The following FRY variants were observed in gnomAD, a reference collection of about 807,000 sequenced individuals.
FRY encodes FRY microtubule binding protein, also known as protein furry homolog.
A neutral mutation model predicts 348.4 loss-of-function variants in FRY; 128 were observed. The observed-to-expected ratio is 0.37, with a 90% CI of 0.32 to 0.43. The LOEUF (loss-of-function observed/expected upper bound fraction) is 0.43. Ranked by LOEUF, FRY falls within the 20% of genes least tolerant of loss-of-function variation. The probability of loss-of-function intolerance (pLI) is 1.00; values close to 1 mark genes in which losing one functional copy is unlikely to be tolerated. For missense variants in FRY, 2,736 were observed against 3,695.2 expected (o/e 0.74, Z 6.73); for synonymous variants, 1,370 against 1,374.7 (o/e 1.00, Z 0.08).
At chr13:32,063,497 A>C (rs1453445350) in intron 1 of FRY, among the ~76,000 whole-genome samples, 1 of 152,208 alleles carries the variant, frequency 6.6e-6, no homozygotes, top group Non-Finnish European at 1.5e-5. Context: ...CCCAGAACTC[A>C]CACACATACA....
chr13:32,254,972 C>T (rs1887260987), intron 51 of FRY, among the ~76,000 whole-genome samples: 1 of 152,158 alleles, frequency 6.6e-6, no homozygotes, highest in Non-Finnish European at 1.5e-5. Context: ...ATTCAAGTCT[C>T]AGTGGGCAAA....
intron 31 of FRY, among the ~76,000 whole-genome samples, chr13:32,206,192 G>A (rs754190540): frequency 6.6e-6 from 1 of 152,092 alleles, no homozygotes; most frequent in Non-Finnish European, 1.5e-5. Flanking sequence ...GATCAGGAAT[G>A]GAGAGAGCAC....
chr13:32,119,326 T>G (rs1359082275), intron 4 of FRY, among the ~76,000 whole-genome samples: 3 of 152,180 alleles, frequency 2.0e-5, no homozygotes. Flanking sequence ...TGGGTTGTGA[T>G]TTCTGAGATT....
intron 51 of FRY, among the ~76,000 whole-genome samples, chr13:32,256,834 C>A (rs1054311820): frequency 6.6e-6 from 1 of 150,698 alleles, no homozygotes; most frequent in Non-Finnish European, 1.5e-5. Context: ...GAGCATTCCT[C>A]ATCTGAAAAT....
intron 1 of FRY, among the ~76,000 whole-genome samples, chr13:32,058,769 G>A (rs1036082889): frequency 6.6e-6 from 1 of 152,054 alleles, no homozygotes; most frequent in Non-Finnish European, 1.5e-5. Context: ...GGATATGCAG[G>A]ATATCTGGGT....
At chr13:32,068,183 A>G (rs1874379234) in intron 1 of FRY, among the ~76,000 whole-genome samples, 1 of 152,070 alleles carries the variant, frequency 6.6e-6, no homozygotes, top group African/African-American at 2.4e-5. Context: ...TGTCCAAATA[A>G]TCTACACATT....
At chr13:32,117,527 A>T in intron 4 of FRY, 54 bp downstream of exon 4, 1 of 1,583,322 alleles carries the variant, frequency 6.3e-7, no homozygotes. Flanking sequence ...TTTTCAGGAA[A>T]CATAAATCAA....
intron 34 of FRY, 55 bp downstream of exon 34, chr13:32,211,089 T>C: frequency 6.8e-7 from 1 of 1,474,372 alleles, no homozygotes; most frequent in Non-Finnish European, 9.5e-7. Context: ...GTTTCCTTCA[T>C]GTAGATTCCT....
chr13:32,236,901 C>T (rs1886256172), intron 43 of FRY, among the ~76,000 whole-genome samples: 1 of 152,024 alleles, frequency 6.6e-6, no homozygotes, highest in Non-Finnish European at 1.5e-5. Context: ...AAGAGTTTTA[C>T]CTTTTCAGCA....
At position 32,157,351 on chromosome 13, in the gene FRY, G is replaced by A. The variant is rs377509442; in HGVS notation, c.1730G>A (p.Cys577Tyr). The A allele has an allele frequency of 1.9e-5, 31 of 1,613,164 alleles. No homozygotes were observed. The highest frequency in any genetic ancestry group is 4.0e-5 in the African/African-American group (3 of 74,922). The change falls in exon 16 of 61, where the codon TGT (cysteine) becomes TAT (tyrosine). Residue 577 changes from cysteine (C) to tyrosine (Y), a missense_variant. Transcript: ENST00000542859. ...CACCTTGATAAAGAAGTAGGAAGGT[G>A]TATGATGCTGACTAATGTACAGATG... ...LRHLDKEVGRCMMLTNVQMLN... is the reference protein window; with the variant it reads ...LRHLDKEVGRYMMLTNVQMLN...
intron 58 of FRY, among the ~76,000 whole-genome samples, chr13:32,285,776 G>T (rs1009507608): frequency 6.6e-6 from 1 of 152,140 alleles, no homozygotes; most frequent in African/African-American, 2.4e-5. Context: ...CATATTTGAT[G>T]TTGTCCAAAA....
intron 59 of FRY, among the ~76,000 whole-genome samples, chr13:32,292,790 C>CAATAAATA (rs111702874): frequency 0.047 from 6,634 of 141,014 alleles, 200 homozygotes; most frequent in East Asian, 0.087. Context: ...GACTCCATCT[C>CAATAAATA]AATAAATAAA....
intron 2 of FRY, among the ~76,000 whole-genome samples, chr13:32,091,762 T>C (rs1876327940): frequency 6.6e-6 from 1 of 152,180 alleles, no homozygotes. Flanking sequence ...ATTTATATTA[T>C]AAAATTTCAC....
chr13:32,117,351 C>T lies in FRY; in HGVS notation c.342C>T (p.Ser114=). ...CTCCATAGGTCATCAGCTCAATGAG[C>T]TCCCTTTCTGAGTACTGCCTGCCTT... ...PQFDQVISSM[S]SLSEYCLPSI... The change falls in exon 4 of 61, where the codon AGC becomes AGT. Residue 114 remains serine (S), a synonymous_variant. Coordinates refer to ENST00000542859, the MANE Select transcript of FRY (RefSeq NM_023037.3). 6.2e-7 allele frequency: 1 copy of T among 1,613,910 alleles called. No individual in the cohort carries two copies. Among genetic ancestry groups the T allele is most frequent in the African/African-American group, 1.3e-5 (1 of 75,028 alleles).
At chr13:32,264,653 G>A (rs1167448284) in intron 53 of FRY, among the ~76,000 whole-genome samples, 2 of 152,112 alleles carry the variant, frequency 1.3e-5, no homozygotes, top group African/African-American at 4.8e-5. Context: ...TTTACTTGCT[G>A]TGTCTCTTTC....
At chr13:32,268,502 AAAAATATATAT>A (rs1482226853) in intron 55 of FRY, among the ~76,000 whole-genome samples, 39 of 16,956 alleles carry the variant, frequency 2.3e-3, no homozygotes, top group African/African-American at 5.8e-3. Context: ...AAAAAAAAAA[AAAAATATATAT>A]ATATATATAT....
At chr13:32,050,084 A>C (rs1011258618) in intron 1 of FRY, among the ~76,000 whole-genome samples, 1 of 152,252 alleles carries the variant, frequency 6.6e-6, no homozygotes, top group Non-Finnish European at 1.5e-5. Flanking sequence ...GCCCCTATAC[A>C]TTCATTTTAT....
chr13:32,046,643 G>T (rs1252909193), intron 1 of FRY, among the ~76,000 whole-genome samples: 2 of 152,136 alleles, frequency 1.3e-5, no homozygotes, highest in Non-Finnish European at 2.9e-5. Flanking sequence ...AAAGATAAAA[G>T]GCCCTTTATG....
rs116648646 is a variant in FRY, at chr13:32,224,084, C to T, written c.4766-151C>T. On this transcript the variant is annotated intron_variant, in intron 36 of 60. Transcript: ENST00000542859. ...CAATGCACTCCAGCCTGGGTGCCAG[C>T]GAGACCCTGTCCCTAAAAAAAATTT... 3,108 of 689,484 alleles carry T rather than the reference C, an allele frequency of 4.5e-3. 80 individuals carry two copies. In the African/African-American group the frequency reaches 0.055, roughly 12 times the overall value. 42.7% of individuals were successfully genotyped at this position (689,484 alleles called of 1,614,324 possible).
Sources: gnomAD v4.1 joint callset for allele counts (sites outside exome capture counted in the v4.1 genomes callset) on GRCh38, gnomAD v4.1.1 for gene constraint, MANE v1.5 for transcripts, NCBI Gene and HGNC (gene_info 2026-07-23, HGNC 2026-07-21) for gene names.